Variants in CADPS2 observed in about 807,000 individuals in gnomAD.
CADPS2 encodes the protein calcium-dependent secretion activator 2.
In CADPS2, 93 loss-of-function variants were observed where a neutral mutation model predicts 172.5. The observed-to-expected ratio is 0.54, with a 90% CI of 0.46 to 0.64. CADPS2 has a LOEUF of 0.64. Ranked by LOEUF, CADPS2 falls within the 30% of genes least tolerant of loss-of-function variation. The pLI is 0.00. For synonymous variants in CADPS2, 546 were observed against 555.2 expected, an observed-to-expected ratio of 0.98 and a Z score of 0.23; for missense variants, 1,420 against 1,565.9, an observed-to-expected ratio of 0.91 and a Z score of 1.57.
intron 2 of CADPS2, among the ~76,000 whole-genome samples, chr7:122,705,688 C>A (rs1422571923): frequency 2.9e-5 from 2 of 68,654 alleles, no homozygotes; most frequent in African/African-American, 5.8e-5. Context: ...TAATATATCA[C>A]ATATTATATA....
intron 6 of CADPS2, among the ~76,000 whole-genome samples, chr7:122,612,261 G>C (rs1420655093): frequency 6.6e-6 from 1 of 151,908 alleles, no homozygotes; most frequent in Admixed American, 6.6e-5. Context: ...TAAACTATCA[G>C]TATTTGCAGA....
chr7:122,718,009 T>C (rs78201090), intron 2 of CADPS2, among the ~76,000 whole-genome samples: 1 of 89,132 alleles, frequency 1.1e-5, no homozygotes, highest in Middle Eastern at 6.7e-3. Context: ...TTTTTTTTTT[T>C]TGTAGAGACA....
intron 2 of CADPS2, among the ~76,000 whole-genome samples, chr7:122,722,522 G>A (rs180808910): frequency 0.053 from 7,936 of 151,154 alleles, 666 homozygotes; most frequent in African/African-American, 0.18. Context: ...ACTACAAACC[G>A]CTGCTCAACG....
In CADPS2 at chr7:122,320,390, C is replaced by G. The variant is rs879216139; in HGVS notation, c.3718-52G>C. The G allele has an allele frequency of 2.1e-6, 3 of 1,405,430 alleles. No individual in the cohort carries two copies. The South Asian group carries it at 4.5e-5, about 21-fold the overall frequency. The allele number at this position is 1,405,430 out of a possible 1,614,324, so 87.1% of individuals were successfully genotyped here. On this transcript the variant is annotated intron_variant, in intron 29 of 29. Transcript: ENST00000449022. ...AGCTCACTTAGATTATATGCGTGTA[C>G]ATAGATATATACTCAGTTGGCATTT...
rs746815013 is a variant in CADPS2, at chr7:122,701,924, C to T, written c.453+35031G>A. The T allele has an allele frequency of 3.1e-6, 5 of 1,613,608 alleles. No homozygotes were observed. The East Asian group carries it at 8.9e-5, about 29-fold the overall frequency. The stretch of plus-strand genomic sequence containing the variant: ...GCATGCCTTATGGAAAAAATGTTTG[C>T]AAGTTAAAATGCGTACTACATCTTG... On this transcript the variant is annotated intron_variant, in intron 2 of 29. Transcript: ENST00000449022.
At chr7:122,463,508 C>A (rs1447870116) in intron 14 of CADPS2, among the ~76,000 whole-genome samples, 1 of 151,994 alleles carries the variant, frequency 6.6e-6, no homozygotes, top group Non-Finnish European at 1.5e-5. Context: ...GTTAAAATTA[C>A]TTAGAATCAA....
chr7:122,440,909 T>C (rs1453044052), intron 16 of CADPS2, among the ~76,000 whole-genome samples: 1 of 152,174 alleles, frequency 6.6e-6, no homozygotes, highest in Non-Finnish European at 1.5e-5. Context: ...TCAGTTGTCA[T>C]AAAAATAGGA....
intron 27 of CADPS2, among the ~76,000 whole-genome samples, chr7:122,356,291 A>G (rs1028205092): frequency 3.3e-5 from 5 of 152,090 alleles, no homozygotes; most frequent in Admixed American, 2.6e-4. Flanking sequence ...TGTATCACCT[A>G]TTGAGATATG....
intron 7 of CADPS2, among the ~76,000 whole-genome samples, chr7:122,578,758 G>A (rs2068394365): frequency 6.6e-6 from 1 of 152,124 alleles, no homozygotes; most frequent in African/African-American, 2.4e-5. Context: ...AGGTATGAAG[G>A]TCAAATCAGA....
chr7:122,441,619 C>T, intron 15 of CADPS2, 44 bp from the exon 16 acceptor site: 1 of 1,193,054 alleles, frequency 8.4e-7, no homozygotes, highest in Non-Finnish European at 1.2e-6. Flanking sequence ...ACATTTAATA[C>T]CCAAGACTGC....
chr7:122,446,384 A>T (rs900115758), intron 15 of CADPS2, among the ~76,000 whole-genome samples: 2 of 152,168 alleles, frequency 1.3e-5, no homozygotes, highest in African/African-American at 2.4e-5. Flanking sequence ...ACCTGGAAAC[A>T]GTTTGGCCTA....
intron 17 of CADPS2, among the ~76,000 whole-genome samples, chr7:122,437,886 G>A (rs528365749): frequency 2.0e-5 from 3 of 151,172 alleles, no homozygotes; most frequent in East Asian, 1.9e-4. Context: ...ATTAAAAACC[G>A]AAGGAAGTTC....
chr7:122,541,453 G>A (rs1207803146), intron 8 of CADPS2, among the ~76,000 whole-genome samples: 4 of 147,178 alleles, frequency 2.7e-5, no homozygotes, highest in South Asian at 2.1e-4. Flanking sequence ...TGATCCGCCC[G>A]CCTCAGCCTC....
chr7:122,644,009 G>T (rs960427996), intron 3 of CADPS2, among the ~76,000 whole-genome samples: 1 of 152,034 alleles, frequency 6.6e-6, no homozygotes, highest in Non-Finnish European at 1.5e-5. Flanking sequence ...GGCGGAGATT[G>T]CAGTGAGCCA....
At chr7:122,399,275 T>C (rs192327352) in intron 20 of CADPS2, among the ~76,000 whole-genome samples, 32 of 152,294 alleles carry the variant, frequency 2.1e-4, no homozygotes, top group African/African-American at 7.5e-4. Context: ...GTTATTTGTG[T>C]ATATATGTGC....
intron 2 of CADPS2, chr7:122,702,805 TAGA>T (rs1422847558): frequency 1.5e-6 from 2 of 1,308,628 alleles, no homozygotes; most frequent in Non-Finnish European, 1.0e-6. Flanking sequence ...ACATCAGTTG[TAGA>T]AGAACATAAA....
At chr7:122,379,573 G>C (rs2042753106) in intron 24 of CADPS2, 131 bp from the exon 25 acceptor site, 1 of 664,944 alleles carries the variant, frequency 1.5e-6, no homozygotes, top group Non-Finnish European at 2.7e-6. Flanking sequence ...AACATTAAAA[G>C]AACAAAACCT....
At chr7:122,604,011 A>T (rs999135355) in intron 6 of CADPS2, among the ~76,000 whole-genome samples, 2 of 152,174 alleles carry the variant, frequency 1.3e-5, no homozygotes, top group Non-Finnish European at 2.9e-5. Context: ...AATAATCATT[A>T]TACAATATAT....
Position 122,418,619 on chromosome 7 carries a change from A to C in CADPS2, c.2477-2455T>G, listed in dbSNP as rs181403611. ...GTTTAGTAGAACAGTGAACTATGGA[A>C]AGATGATAGTAGGAATAGAAAAGAA... On this transcript the variant is annotated intron_variant, in intron 17 of 29. Transcript: ENST00000449022. 7.7e-4 allele frequency among the ~76,000 whole-genome samples: 117 copies of C among 152,286 alleles called. 2 individuals carry two copies. Among genetic ancestry groups the C allele is most frequent in the African/African-American group, 2.7e-3 (113 of 41,562 alleles).
Sources: gnomAD v4.1 joint callset for allele counts (sites outside exome capture counted in the v4.1 genomes callset) on GRCh38, gnomAD v4.1.1 for gene constraint, MANE v1.5 for transcripts, NCBI Gene and HGNC (gene_info 2026-07-23, HGNC 2026-07-21) for gene names.